Variants in RALY observed in about 807,000 individuals in gnomAD.
The protein encoded by RALY is RNA-binding protein Raly.
Under a neutral mutation model 30.7 loss-of-function variants are expected in RALY, and 15 were observed. The observed-to-expected ratio is 0.49, with a 90% CI of 0.33 to 0.75. The LOEUF (loss-of-function observed/expected upper bound fraction) is 0.75, where lower values mean the gene tolerates loss of function less well. Ranked by LOEUF, RALY falls within the 30% of genes least tolerant of loss-of-function variation. The pLI, the probability that RALY is intolerant of heterozygous loss-of-function variation, is 0.02. For synonymous variants in RALY, 177 were observed against 170.8 expected, an observed-to-expected ratio of 1.04 and a Z score of -0.28; for missense variants, 339 against 414.3, an observed-to-expected ratio of 0.82 and a Z score of 1.58.
intron 5 of RALY, 99 bp from the exon 6 acceptor site, chr20:34,075,775 C>G (rs1055094205): frequency 5.9e-6 from 8 of 1,364,344 alleles, no homozygotes; most frequent in African/African-American, 2.9e-5. Context: ...TGCAGGCCTC[C>G]CAGCCCCTCA....
chr20:34,032,632 A>G (rs1434177691), intron 2 of RALY, among the ~76,000 whole-genome samples: 1 of 152,042 alleles, frequency 6.6e-6, no homozygotes, highest in African/African-American at 2.4e-5. Context: ...AGTAGCTGGA[A>G]TTACAGATGT....
chr20:34,060,741 T>A (rs2033391473), intron 2 of RALY, among the ~76,000 whole-genome samples: 1 of 152,198 alleles, frequency 6.6e-6, no homozygotes, highest in South Asian at 2.1e-4. Context: ...ATTTAACTCC[T>A]ACACACAGCA....
intron 1 of RALY, chr20:34,030,077 G>A (rs1224227636): frequency 6.6e-5 from 10 of 152,344 alleles, no homozygotes; most frequent in African/African-American, 1.9e-4. Context: ...TATATGGAGA[G>A]GATGTCAGGC....
chr20:33,996,614 CT>C (rs1012960616), intron 1 of RALY, among the ~76,000 whole-genome samples: 8 of 146,824 alleles, frequency 5.4e-5, no homozygotes, highest in Non-Finnish European at 8.8e-5. Flanking sequence ...AGCTGGCATG[CT>C]TTTTTTAAAA....
At chr20:34,006,424 C>A (rs768632101) in intron 1 of RALY, among the ~76,000 whole-genome samples, 1 of 152,098 alleles carries the variant, frequency 6.6e-6, no homozygotes, top group East Asian at 1.9e-4. Flanking sequence ...TCCAGATGAT[C>A]GTGTTCAAAT....
At chr20:34,003,072 T>C (rs1329403420) in intron 1 of RALY, among the ~76,000 whole-genome samples, 2 of 152,158 alleles carry the variant, frequency 1.3e-5, no homozygotes, top group African/African-American at 2.4e-5. Context: ...GGTGGGCACA[T>C]TGAGGCTCTC....
intron 2 of RALY, among the ~76,000 whole-genome samples, chr20:34,055,171 A>G (rs1275693650): frequency 6.6e-6 from 1 of 152,150 alleles, no homozygotes; most frequent in African/African-American, 2.4e-5. Flanking sequence ...TTCCAGAGTC[A>G]TTTTCCTAAA....
At chr20:34,059,914 G>T (rs2033364941) in intron 2 of RALY, among the ~76,000 whole-genome samples, 2 of 152,226 alleles carry the variant, frequency 1.3e-5, no homozygotes, top group African/African-American at 2.4e-5. Context: ...GCACAAGGAG[G>T]CCTTGGTGGG....
intron 1 of RALY, among the ~76,000 whole-genome samples, chr20:34,007,799 A>T (rs974209985): frequency 1.4e-5 from 2 of 144,722 alleles, no homozygotes; most frequent in African/African-American, 5.3e-5. Context: ...CAGCCTGGGC[A>T]ATAAGAGCGA....
intron 2 of RALY, among the ~76,000 whole-genome samples, chr20:34,050,997 C>G (rs2033059961): frequency 6.6e-6 from 1 of 152,180 alleles, no homozygotes; most frequent in African/African-American, 2.4e-5. Flanking sequence ...TATTCAAAAT[C>G]CTGATGAAAA....
intron 1 of RALY, among the ~76,000 whole-genome samples, chr20:34,023,565 G>T (rs1046093233): frequency 3.9e-5 from 6 of 152,114 alleles, no homozygotes; most frequent in Non-Finnish European, 7.4e-5. Context: ...TTTGAGTTGG[G>T]CTTTAGTTCG....
chr20:34,051,022 A>G (rs9974023), intron 2 of RALY, among the ~76,000 whole-genome samples: 13,791 of 152,200 alleles, frequency 0.091, 711 homozygotes, highest in African/African-American at 0.14. Context: ...AAGGAGCACT[A>G]TTTGGGAAGG....
intron 1 of RALY, among the ~76,000 whole-genome samples, chr20:33,997,479 T>A (rs2030695584): frequency 6.6e-6 from 1 of 152,126 alleles, no homozygotes; most frequent in Admixed American, 6.5e-5. Flanking sequence ...CCTGCCCTTC[T>A]GACAGTCCAG....
At chr20:33,998,253 AATG>A (rs1232478743) in intron 1 of RALY, among the ~76,000 whole-genome samples, 2 of 152,178 alleles carry the variant, frequency 1.3e-5, no homozygotes, top group Non-Finnish European at 2.9e-5. Flanking sequence ...AGCACAGAAA[AATG>A]ATGCCTAACC....
At chr20:34,060,221 G>A (rs1361151293) in intron 2 of RALY, among the ~76,000 whole-genome samples, 1 of 152,112 alleles carries the variant, frequency 6.6e-6, no homozygotes, top group Non-Finnish European at 1.5e-5. Flanking sequence ...ACATGGAAAA[G>A]TTATTGCAGG....
At chr20:34,044,045 A>G (rs2032791628) in intron 2 of RALY, among the ~76,000 whole-genome samples, 1 of 152,040 alleles carries the variant, frequency 6.6e-6, no homozygotes, top group Non-Finnish European at 1.5e-5. Context: ...GTAACTTCCA[A>G]GCAGAAAGAC....
chr20:34,060,650 G>T (rs1206806566), intron 2 of RALY, among the ~76,000 whole-genome samples: 1 of 152,134 alleles, frequency 6.6e-6, no homozygotes, highest in Non-Finnish European at 1.5e-5. Flanking sequence ...TTGGTTTCAG[G>T]TATCTCCTGA....
chr20:34,079,463 A>G (rs779078062), intron 9 of RALY, among the ~76,000 whole-genome samples: 30 of 152,178 alleles, frequency 2.0e-4, no homozygotes, highest in Admixed American at 7.2e-4. Context: ...AAGGTCTCAA[A>G]CACTAGTGTT....
At chr20:34,006,451 A>G (rs2031161582) in intron 1 of RALY, among the ~76,000 whole-genome samples, 1 of 152,232 alleles carries the variant, frequency 6.6e-6, no homozygotes, top group South Asian at 2.1e-4. Flanking sequence ...TTGTTTTGTA[A>G]ATGTCACAAC....
Sources: gnomAD v4.1 joint callset for allele counts (sites outside exome capture counted in the v4.1 genomes callset) on GRCh38, gnomAD v4.1.1 for gene constraint, MANE v1.5 for transcripts, NCBI Gene and HGNC (gene_info 2026-07-23, HGNC 2026-07-21) for gene names.